Variants in NUDT4 observed in about 807,000 individuals in gnomAD.
NUDT4 encodes the protein diphosphoinositol polyphosphate phosphohydrolase 2.
NUDT4 carries 5 observed loss-of-function variants against 23.1 expected under a neutral mutation model. The ratio of observed to expected loss-of-function variants is 0.22; its 90% CI spans 0.11 to 0.46. NUDT4 has a LOEUF of 0.46. Ranked by LOEUF, NUDT4 falls within the 20% of genes least tolerant of loss-of-function variation. NUDT4 has a pLI of 0.99. For synonymous variants in NUDT4, 50 were observed against 79.0 expected (o/e 0.63, Z 1.95); for missense variants, 96 against 211.6 (o/e 0.45, Z 3.39).
chr12:93,404,440 T>C lies in NUDT4; in HGVS notation c.*5061T>C, dbSNP rs1877689068. The C allele has an allele frequency of 6.6e-6, 1 of 152,216 alleles. No individual in the cohort carries two copies. The highest frequency in any genetic ancestry group is 2.4e-5 in the African/African-American group (1 of 41,464). The allele number at this position is 152,216 out of a possible 1,614,324, so 9.4% of individuals were successfully genotyped here. ...TGAGTAGTATTTTATCACAGCTGCATACATACCCTTTCACCCAACAGTTCC... is the reference window on the plus strand; with the variant it reads ...TGAGTAGTATTTTATCACAGCTGCACACATACCCTTTCACCCAACAGTTCC... On this transcript the variant is annotated 3_prime_UTR_variant, in exon 5 of 5. Transcript: ENST00000415493.
intron 1 of NUDT4, among the ~76,000 whole-genome samples, chr12:93,379,501 A>G (rs1357584225): frequency 6.6e-6 from 1 of 152,248 alleles, no homozygotes; most frequent in Non-Finnish European, 1.5e-5. Context: ...AATATGACAC[A>G]GAATACACTC....
chr12:93,391,067 T>C (rs1876461884), intron 1 of NUDT4, among the ~76,000 whole-genome samples: 1 of 152,048 alleles, frequency 6.6e-6, no homozygotes, highest in Non-Finnish European at 1.5e-5. Context: ...CTGTGCTGGC[T>C]GAGAACTCTT....
At chr12:93,385,598 C>T (rs1390127481) in intron 1 of NUDT4, among the ~76,000 whole-genome samples, 1 of 151,984 alleles carries the variant, frequency 6.6e-6, no homozygotes, top group Non-Finnish European at 1.5e-5. Context: ...ATCTTTAGAG[C>T]ATTAATTAGC....
rs143503524 is a variant in NUDT4, at chr12:93,381,783, A to G, written c.99+3362A>G. On this transcript the variant is annotated intron_variant, in intron 1 of 4. Coordinates refer to ENST00000415493, the MANE Select transcript of NUDT4 (RefSeq NM_019094.6). The stretch of plus-strand genomic sequence containing the variant: ...GGTTGAGAAGTTGCTACGCAAGAAC[A>G]AAGTTTTGTTTTGAACTTAGTTTTG... Among the ~76,000 whole-genome samples, 538 of 152,360 alleles carry G rather than the reference A, an allele frequency of 3.5e-3. 15 individuals are homozygous for G. Among genetic ancestry groups the G allele is most frequent in the Admixed American group, 0.032 (489 of 15,312 alleles).
chr12:93,378,155 C>T lies in NUDT4; in HGVS notation c.-168C>T, dbSNP rs936900641. On this transcript the variant is annotated 5_prime_UTR_variant, in exon 1 of 5. Coordinates refer to ENST00000415493, the MANE Select transcript of NUDT4 (RefSeq NM_019094.6). ...CCCGTCCCGCCCGCGTCGGAGCGGCCGCCGGCCCCGGGACTGACCGGCCTC... is the reference window on the plus strand; with the variant it reads ...CCCGTCCCGCCCGCGTCGGAGCGGCTGCCGGCCCCGGGACTGACCGGCCTC... 7 of 282,296 alleles carry T rather than the reference C, an allele frequency of 2.5e-5. No individual in the cohort carries two copies. Among genetic ancestry groups the T allele is most frequent in the Non-Finnish European group, 4.0e-5 (6 of 151,532 alleles). 17.5% of individuals were successfully genotyped at this position (282,296 alleles called of 1,614,324 possible).
intron 1 of NUDT4, chr12:93,380,966 T>C (rs1875618203): frequency 6.6e-6 from 1 of 152,180 alleles, no homozygotes; most frequent in African/African-American, 2.4e-5. Flanking sequence ...AAAAGAGTAA[T>C]TGCAATTTGA....
chr12:93,396,168 GA>G lies in NUDT4; in HGVS notation c.255+636del, dbSNP rs1462335018. ...GTACAATATTTTTAGTATGACCTAA[GA>G]GCTTAGGTCTCATGTGTTTTATCTG... On this transcript the variant is annotated intron_variant, in intron 3 of 4. Coordinates refer to ENST00000415493, the MANE Select transcript of NUDT4 (RefSeq NM_019094.6). Among the ~76,000 whole-genome samples, 4 of 152,260 alleles carry G rather than the reference GA, an allele frequency of 2.6e-5. 1 individual carries two copies. Among genetic ancestry groups the G allele is most frequent in the East Asian group, 1.9e-4 (1 of 5,180 alleles).
At chr12:93,380,360 A>G (rs1018769365) in intron 1 of NUDT4, among the ~76,000 whole-genome samples, 2 of 152,252 alleles carry the variant, frequency 1.3e-5, no homozygotes, top group Non-Finnish European at 2.9e-5. Context: ...TTAGCAATAA[A>G]AATAAATGAT....
chr12:93,379,535 A>G (rs1875487231), intron 1 of NUDT4, among the ~76,000 whole-genome samples: 1 of 152,204 alleles, frequency 6.6e-6, no homozygotes, highest in African/African-American at 2.4e-5. Flanking sequence ...TTGTTATGTT[A>G]ACGAAAAGTT....
chr12:93,392,666 CTTTTT>C (rs71307563), intron 1 of NUDT4, among the ~76,000 whole-genome samples: 2 of 76,164 alleles, frequency 2.6e-5, no homozygotes, highest in African/African-American at 5.7e-5. Context: ...AGATTTCAGT[CTTTTT>C]TTTTTTTTTT....
chr12:93,386,912 A>G (rs549878306), intron 1 of NUDT4, among the ~76,000 whole-genome samples: 3 of 152,212 alleles, frequency 2.0e-5, no homozygotes, highest in South Asian at 2.1e-4. Context: ...CTGGAAAACA[A>G]TACTGAATGA....
rs148772966 is a variant in NUDT4 at position 93,396,204 on chromosome 12, C to T, written c.255+671C>T. Among the ~76,000 whole-genome samples, 117 of 146,578 alleles carry T rather than the reference C, an allele frequency of 8.0e-4. 1 individual carries two copies. In the East Asian group the frequency reaches 0.025, roughly 31 times the overall value. On this transcript the variant is annotated intron_variant, in intron 3 of 4. Transcript: ENST00000415493. Reference sequence around the variant, plus strand: ...TCATGTGTTTTATCTGGAAATGTCCCCATTGCCCTTAGCAAATATTATATG... The same window carrying T: ...TCATGTGTTTTATCTGGAAATGTCCTCATTGCCCTTAGCAAATATTATATG...
At chr12:93,388,004 A>G (rs1253538490) in intron 1 of NUDT4, among the ~76,000 whole-genome samples, 1 of 152,068 alleles carries the variant, frequency 6.6e-6, no homozygotes, top group Non-Finnish European at 1.5e-5. Flanking sequence ...TGAACACTCA[A>G]ATGAACTATT....
At chr12:93,387,697 G>T (rs915753963) in intron 1 of NUDT4, among the ~76,000 whole-genome samples, 6 of 152,114 alleles carry the variant, frequency 3.9e-5, no homozygotes, top group Non-Finnish European at 7.4e-5. Context: ...TAGATCTAGT[G>T]CTGGGGACCG....
chr12:93,402,843 C>T lies in NUDT4; in HGVS notation c.*3464C>T, dbSNP rs929691545. 2.0e-4 allele frequency: 26 copies of T among 127,778 alleles called. No homozygotes were observed. Among genetic ancestry groups the T allele is most frequent in the African/African-American group, 7.4e-4 (22 of 29,920 alleles). The allele number at this position is 127,778 out of a possible 1,614,324, so 7.9% of individuals were successfully genotyped here. ...TTAAAAGCATAACTGGCTAAGTCAC[C>T]GCCCCACCCGCCGCATTACATTTCC... On this transcript the variant is annotated 3_prime_UTR_variant, in exon 5 of 5. Transcript: ENST00000415493.
At chr12:93,388,342 C>T (rs1031606243) in intron 1 of NUDT4, among the ~76,000 whole-genome samples, 2 of 152,168 alleles carry the variant, frequency 1.3e-5, no homozygotes, top group African/African-American at 2.4e-5. Flanking sequence ...AAATATTGAG[C>T]ATTCTATGTG....
Position 93,403,887 on chromosome 12 carries a change from CATT to C in NUDT4, c.*4511_*4513del, listed in dbSNP as rs1401265003. ...TTAAGGCCTATCTTAGCAAGCAAGA[CATT>C]ATAGCAAAGACCTAAACACTCAAAG... On this transcript the variant is annotated 3_prime_UTR_variant, in exon 5 of 5. Transcript: ENST00000415493. 1.3e-5 allele frequency: 2 copies of C among 152,208 alleles called. No individual in the cohort carries two copies. The highest frequency in any genetic ancestry group is 4.8e-5 in the African/African-American group (2 of 41,448). 9.4% of individuals were successfully genotyped at this position (152,208 alleles called of 1,614,324 possible).
intron 1 of NUDT4, among the ~76,000 whole-genome samples, chr12:93,383,653 A>G: frequency 6.6e-6 from 1 of 152,148 alleles, no homozygotes; most frequent in East Asian, 1.9e-4. Flanking sequence ...GCAACATGGC[A>G]AAACCTCGTC....
At chr12:93,382,674 C>CTTTTTTTTTTTTTTTTTTTTTTTTTTTT (rs11315217) in intron 1 of NUDT4, among the ~76,000 whole-genome samples, 4 of 111,644 alleles carry the variant, frequency 3.6e-5, no homozygotes, top group South Asian at 3.1e-4. Flanking sequence ...CAAAGGTAGC[C>CTTTTTTTTTTTTTTTTTTTTTTTTTTTT]TTTTTTTTTT....
Sources: gnomAD v4.1 joint callset for allele counts (sites outside exome capture counted in the v4.1 genomes callset) on GRCh38, gnomAD v4.1.1 for gene constraint, MANE v1.5 for transcripts, NCBI Gene and HGNC (gene_info 2026-07-23, HGNC 2026-07-21) for gene names.